Variants in FBXL13 observed in about 807,000 individuals in gnomAD.
FBXL13 encodes the protein F-box and leucine-rich repeat protein 13.
In FBXL13, 67 loss-of-function variants were observed where a neutral mutation model predicts 83.6. The ratio of observed to expected loss-of-function variants is 0.80; its 90% CI spans 0.66 to 0.98. The LOEUF (loss-of-function observed/expected upper bound fraction) is 0.98. Ranked by LOEUF, FBXL13 falls within the 50% of genes least tolerant of loss-of-function variation. The pLI, the probability that FBXL13 is intolerant of heterozygous loss-of-function variation, is 0.00. For synonymous variants in FBXL13, 272 were observed against 299.5 expected (o/e 0.91, Z 0.95); for missense variants, 822 against 866.5 (o/e 0.95, Z 0.64).
chr7:102,822,074 T>C, exon 19 of FBXL13: 1 of 1,614,208 alleles, frequency 6.2e-7, no homozygotes, highest in Non-Finnish European at 8.5e-7. Flanking sequence ...ATCTTAAGGA[T>C]CCGGAGTTGT....
At chr7:103,020,942 C>G (rs1793085106) in intron 6 of FBXL13, among the ~76,000 whole-genome samples, 1 of 152,318 alleles carries the variant, frequency 6.6e-6, no homozygotes, top group East Asian at 1.9e-4. Context: ...CTATCCCCAT[C>G]AAGCTACCAC....
At chr7:102,826,769 A>ATATATATGTATG (rs1414065543) in intron 18 of FBXL13, among the ~76,000 whole-genome samples, 6 of 100,738 alleles carry the variant, frequency 6.0e-5, no homozygotes, top group African/African-American at 2.3e-4. Flanking sequence ...ATATATATAT[A>ATATATATGTATG]TATGTATATA....
At chr7:102,867,699 T>A (rs200199856) in intron 16 of FBXL13, among the ~76,000 whole-genome samples, 334 of 77,886 alleles carry the variant, frequency 4.3e-3, no homozygotes, top group African/African-American at 0.015. Context: ...ATATATATTT[T>A]TTTTTTTTTT....
At chr7:102,935,923 C>T (rs1014774931) in intron 8 of FBXL13, among the ~76,000 whole-genome samples, 5 of 152,136 alleles carry the variant, frequency 3.3e-5, no homozygotes, top group Non-Finnish European at 7.4e-5. Context: ...TGGCTCCTCT[C>T]GAGAGAATGT....
intron 8 of FBXL13, chr7:102,944,749 T>C (rs950157619): frequency 5.4e-5 from 39 of 722,096 alleles, no homozygotes; most frequent in Non-Finnish European, 8.4e-5. Flanking sequence ...ATAAGTATTA[T>C]TGTGACTATT....
At chr7:102,813,307 C>T (rs1244753942) in exon 20 of FBXL13, 2 of 1,558,872 alleles carry the variant, frequency 1.3e-6, no homozygotes, top group Admixed American at 4.0e-5. Context: ...TTGCCAAGTT[C>T]TTGATTTTTT....
chr7:102,916,715 T>G (rs1361659469), intron 10 of FBXL13, among the ~76,000 whole-genome samples: 1 of 151,886 alleles, frequency 6.6e-6, no homozygotes, highest in Non-Finnish European at 1.5e-5. Context: ...GAACACTTGG[T>G]AATTCTAATT....
chr7:103,050,146 T>A (rs1468105226), intron 2 of FBXL13: 1 of 152,196 alleles, frequency 6.6e-6, no homozygotes, highest in African/African-American at 2.4e-5. Context: ...TCAGATTCAC[T>A]ACAGCTTAAG....
chr7:102,969,216 T>C (rs747165110), intron 6 of FBXL13, among the ~76,000 whole-genome samples: 3 of 152,186 alleles, frequency 2.0e-5, no homozygotes, highest in Non-Finnish European at 4.4e-5. Context: ...TTTTTTACCA[T>C]ATTTTTACTG....
At chr7:102,821,930 G>C in intron 19 of FBXL13, 110 bp downstream of exon 20, 1 of 1,204,640 alleles carries the variant, frequency 8.3e-7, no homozygotes, top group Non-Finnish European at 1.2e-6. Context: ...AAAATGAAAT[G>C]AAACTTCCTA....
intron 6 of FBXL13, among the ~76,000 whole-genome samples, chr7:103,019,887 C>A (rs548313131): frequency 6.6e-6 from 1 of 152,250 alleles, no homozygotes; most frequent in South Asian, 2.1e-4. Flanking sequence ...CCGAATTCTA[C>A]CAGAGGTACA....
intron 10 of FBXL13, among the ~76,000 whole-genome samples, chr7:102,919,875 A>G (rs1816652666): frequency 6.6e-6 from 1 of 152,238 alleles, no homozygotes; most frequent in South Asian, 2.1e-4. Flanking sequence ...AGGCTAAAGA[A>G]TAAGTAAGCT....
At chr7:102,968,294 AG>A in intron 6 of FBXL13, among the ~76,000 whole-genome samples, 177 bp from the exon 8 acceptor site, 1 of 152,252 alleles carries the variant, frequency 6.6e-6, no homozygotes, top group Non-Finnish European at 1.5e-5. Flanking sequence ...TTTTATCTGA[AG>A]ATAGGAGTTT....
At chr7:103,018,019 T>C (rs1279186101) in intron 6 of FBXL13, among the ~76,000 whole-genome samples, 2 of 151,692 alleles carry the variant, frequency 1.3e-5, no homozygotes, top group African/African-American at 4.8e-5. Flanking sequence ...AGACACATAA[T>C]TGTCAGATTC....
At chr7:102,988,265 T>C (rs1470438357) in intron 6 of FBXL13, 1 of 152,170 alleles carries the variant, frequency 6.6e-6, no homozygotes. Context: ...ACTGCTTCAA[T>C]GAAGGGTAAA....
chr7:102,827,107 CAT>C (rs1408607172), intron 18 of FBXL13: 1 of 453,970 alleles, frequency 2.2e-6, no homozygotes, highest in African/African-American at 2.0e-5. Flanking sequence ...GAGCAGAAGT[CAT>C]ATTCTTCTGA....
chr7:103,006,587 G>C (rs1167958869), intron 6 of FBXL13, among the ~76,000 whole-genome samples: 1 of 152,094 alleles, frequency 6.6e-6, no homozygotes, highest in African/African-American at 2.4e-5. Context: ...AAATGGAAAA[G>C]ATTAAACTTA....
intron 9 of FBXL13, 85 bp downstream of exon 10, chr7:102,931,796 C>G: frequency 7.8e-7 from 1 of 1,278,462 alleles, no homozygotes. Context: ...CAAATAAGCA[C>G]ACAAGCATCT....
downstream of FBXL13, among the ~76,000 whole-genome samples, chr7:102,811,556 G>T (rs1797436251): frequency 6.6e-6 from 1 of 152,192 alleles, no homozygotes; most frequent in South Asian, 2.1e-4. Context: ...TTTGGAGCAA[G>T]CTCTGAATGT....
Sources: gnomAD v4.1 joint callset for allele counts (sites outside exome capture counted in the v4.1 genomes callset) on GRCh38, gnomAD v4.1.1 for gene constraint, MANE v1.5 for transcripts, NCBI Gene and HGNC (gene_info 2026-07-23, HGNC 2026-07-21) for gene names.